The following CDC14A variants were observed in gnomAD, a reference collection of about 807,000 sequenced individuals.
CDC14A encodes dual specificity protein phosphatase CDC14A.
A neutral mutation model predicts 74.4 loss-of-function variants in CDC14A; 53 were observed. That is an observed-to-expected ratio of 0.71 (90% CI 0.57 to 0.89). CDC14A has a LOEUF of 0.89. Among genes scored for constraint, CDC14A ranks in the 40% least tolerant of loss-of-function variants. The pLI is 0.00. For missense variants in CDC14A, 646 were observed against 713.7 expected, an observed-to-expected ratio of 0.91 and a Z score of 1.08; for synonymous variants, 247 against 258.4, an observed-to-expected ratio of 0.96 and a Z score of 0.43.
chr1:100,481,304 T>C (rs762139498), intron 10 of CDC14A, among the ~76,000 whole-genome samples: 4 of 152,038 alleles, frequency 2.6e-5, no homozygotes, highest in Non-Finnish European at 4.4e-5. Context: ...TTTGGGAAAA[T>C]TGTCCAGGAT....
Position 100,353,849 on chromosome 1 carries a change from A to G in CDC14A, c.137A>G (p.Glu46Gly), listed in dbSNP as rs1651488635. 6.3e-7 allele frequency: 1 copy of G among 1,590,910 alleles called. No homozygotes were observed. The highest frequency in any genetic ancestry group is 1.3e-5 in the African/African-American group (1 of 74,652). Residue 46 changes from glutamate (E) to glycine (G), a missense_variant, in exon 2 of 16, where the codon GAA (glutamate) becomes GGA (glycine). Transcript: ENST00000336454. The stretch of plus-strand genomic sequence containing the variant: ...TCCATCGATGAGGAGCTGGTCTATG[A>G]AAAGTAAGTTTATGTTTTGTTTTTT... ...YFSIDEELVY[E>G]NFYADFGPLN... is the part of the protein sequence containing the mutation.
chr1:100,371,669 A>G (rs1348387171), intron 2 of CDC14A, among the ~76,000 whole-genome samples: 2 of 152,190 alleles, frequency 1.3e-5, no homozygotes, highest in Non-Finnish European at 2.9e-5. Context: ...TGATGCATAA[A>G]CTTTTTGAGG....
chr1:100,401,978 T>C (rs1445302893), intron 4 of CDC14A, among the ~76,000 whole-genome samples: 1 of 151,188 alleles, frequency 6.6e-6, no homozygotes, highest in Admixed American at 6.6e-5. Flanking sequence ...GCGGAGGTTG[T>C]GGTGAGCCGA....
At chr1:100,431,892 G>C (rs901265448) in intron 5 of CDC14A, among the ~76,000 whole-genome samples, 7 of 151,928 alleles carry the variant, frequency 4.6e-5, no homozygotes, top group African/African-American at 1.7e-4. Context: ...GTGTCAGTCA[G>C]ATGTTGATGA....
intron 4 of CDC14A, among the ~76,000 whole-genome samples, chr1:100,420,049 C>CTATATATATATATATAT (rs1662099290): frequency 7.0e-5 from 1 of 14,220 alleles, no homozygotes; most frequent in African/African-American, 2.8e-4. Context: ...CACACACACA[C>CTATATATATATATATAT]ACACACACAC....
At chr1:100,418,767 C>T (rs1319176017) in intron 4 of CDC14A, among the ~76,000 whole-genome samples, 7 of 152,132 alleles carry the variant, frequency 4.6e-5, no homozygotes, top group East Asian at 1.9e-4. Context: ...TGCTTAGTTC[C>T]GTCTCTCAAG....
intron 11 of CDC14A, among the ~76,000 whole-genome samples, chr1:100,491,517 C>CAT (rs1250431990): frequency 1.4e-3 from 75 of 52,702 alleles, no homozygotes; most frequent in Middle Eastern, 0.017. Context: ...AATATATCTG[C>CAT]ATCTCTCTCT....
chr1:100,402,844 G>A (rs935123076), intron 4 of CDC14A, among the ~76,000 whole-genome samples: 1 of 152,216 alleles, frequency 6.6e-6, no homozygotes, highest in Non-Finnish European at 1.5e-5. Flanking sequence ...GAAACAGCAT[G>A]CAGTGTGGAA....
chr1:100,479,573 A>T (rs1669252602), intron 10 of CDC14A, among the ~76,000 whole-genome samples: 1 of 152,202 alleles, frequency 6.6e-6, no homozygotes. Context: ...TATTTATTTT[A>T]AGGGTTTAAA....
intron 14 of CDC14A, among the ~76,000 whole-genome samples, chr1:100,498,625 C>T (rs1648236609): frequency 6.6e-6 from 1 of 152,140 alleles, no homozygotes; most frequent in Non-Finnish European, 1.5e-5. Flanking sequence ...CTTTACTTCC[C>T]ACCCCAGGGT....
intron 2 of CDC14A, among the ~76,000 whole-genome samples, chr1:100,356,555 C>T (rs1651907339): frequency 6.6e-6 from 1 of 151,826 alleles, no homozygotes; most frequent in Non-Finnish European, 1.5e-5. Flanking sequence ...TAAGAGCCCA[C>T]TTAAAAAAAT....
At chr1:100,389,057 C>T (rs2100982587) in intron 3 of CDC14A, among the ~76,000 whole-genome samples, 1 of 151,668 alleles carries the variant, frequency 6.6e-6, no homozygotes, top group South Asian at 2.1e-4. Flanking sequence ...TGCCTGTGGT[C>T]CCAGCTACTC....
chr1:100,446,170 A>G (rs952834494), intron 7 of CDC14A, among the ~76,000 whole-genome samples: 2 of 152,196 alleles, frequency 1.3e-5, no homozygotes, highest in African/African-American at 4.8e-5. Context: ...TGTTGACAGC[A>G]ATTTGTGAGA....
intron 15 of CDC14A, among the ~76,000 whole-genome samples, chr1:100,501,110 A>C (rs921387970): frequency 1.3e-5 from 2 of 152,164 alleles, no homozygotes; most frequent in Non-Finnish European, 2.9e-5. Flanking sequence ...TGATCCCACT[A>C]TAAAAATTGG....
intron 5 of CDC14A, among the ~76,000 whole-genome samples, chr1:100,436,723 A>G (rs1024280304): frequency 1.3e-5 from 2 of 151,876 alleles, no homozygotes; most frequent in Admixed American, 6.6e-5. Flanking sequence ...ACTGTGCCCA[A>G]CTGGTTCTCA....
At chr1:100,464,735 C>A (rs1667627615) in intron 9 of CDC14A, among the ~76,000 whole-genome samples, 2 of 152,136 alleles carry the variant, frequency 1.3e-5, no homozygotes. Context: ...AGAAGAACTG[C>A]AAAGCTTTCA....
chr1:100,418,764 T>C (rs1661861729), intron 4 of CDC14A, among the ~76,000 whole-genome samples: 1 of 152,198 alleles, frequency 6.6e-6, no homozygotes, highest in Non-Finnish European at 1.5e-5. Flanking sequence ...TCTTGCTTAG[T>C]TCCGTCTCTC....
intron 4 of CDC14A, among the ~76,000 whole-genome samples, chr1:100,398,282 C>T (rs556205727): frequency 3.3e-5 from 5 of 152,264 alleles, no homozygotes; most frequent in African/African-American, 1.2e-4. Context: ...TACTTCCTAT[C>T]ACTCACTTTT....
At chr1:100,423,355 C>A (rs1315656476) in intron 4 of CDC14A, among the ~76,000 whole-genome samples, 2 of 152,156 alleles carry the variant, frequency 1.3e-5, no homozygotes, top group African/African-American at 4.8e-5. Context: ...CTAGATCTTA[C>A]CCTGAACATC....
Sources: gnomAD v4.1 joint callset for allele counts (sites outside exome capture counted in the v4.1 genomes callset) on GRCh38, gnomAD v4.1.1 for gene constraint, MANE v1.5 for transcripts, NCBI Gene and HGNC (gene_info 2026-07-23, HGNC 2026-07-21) for gene names.